Variants in AOAH observed in about 807,000 individuals in gnomAD.
AOAH encodes acyloxyacyl hydrolase (neutrophil).
AOAH carries 64 observed loss-of-function variants against 92.2 expected under a neutral mutation model. The ratio of observed to expected loss-of-function variants is 0.69; its 90% CI spans 0.57 to 0.86. AOAH has a LOEUF of 0.86. Ranked by LOEUF, AOAH falls within the 40% of genes least tolerant of loss-of-function variation. The pLI, the probability that AOAH is intolerant of heterozygous loss-of-function variation, is 0.00. For synonymous variants in AOAH, 263 were observed against 254.5 expected, an observed-to-expected ratio of 1.03 and a Z score of -0.32; for missense variants, 656 against 694.6, an observed-to-expected ratio of 0.94 and a Z score of 0.62.
intron 15 of AOAH, 107 bp from the exon 16 acceptor site, chr7:36,540,598 A>G: frequency 9.9e-7 from 1 of 1,009,322 alleles, no homozygotes; most frequent in Non-Finnish European, 1.5e-6. Flanking sequence ...ACACACACAC[A>G]CACAGTGTGG....
chr7:36,598,397 T>C (rs991539388), intron 11 of AOAH: 1 of 152,246 alleles, frequency 6.6e-6, no homozygotes, highest in Non-Finnish European at 1.5e-5. Context: ...ACTTCACTTC[T>C]GGTGTTAAGC....
intron 4 of AOAH, among the ~76,000 whole-genome samples, chr7:36,658,894 C>T (rs1042670685): frequency 4.6e-5 from 7 of 152,160 alleles, no homozygotes; most frequent in African/African-American, 1.4e-4. Context: ...TAAACCTCTG[C>T]GTCTCTTTGA....
In AOAH at chr7:36,692,242, C is replaced by T. The variant is rs145010556; in HGVS notation, c.128-5448G>A. Among the ~76,000 whole-genome samples the T allele has an allele frequency of 1.4e-3, 206 of 152,276 alleles. 1 individual carries two copies. Among genetic ancestry groups the T allele is most frequent in the African/African-American group, 3.9e-3 (163 of 41,554 alleles). On this transcript the variant is annotated intron_variant, in intron 1 of 20. Coordinates refer to ENST00000617537, the MANE Select transcript of AOAH (RefSeq NM_001637.4). The stretch of plus-strand genomic sequence containing the variant: ...ATTTAGCAAACATTAGTTCCTCTCC[C>T]GTCTACTAAGGCCACCACAGGGAAG...
chr7:36,560,750 C>T, intron 13 of AOAH, among the ~76,000 whole-genome samples: 1 of 152,190 alleles, frequency 6.6e-6, no homozygotes, highest in African/African-American at 2.4e-5. Context: ...ATTGCTCTGG[C>T]AAGGACTTCC....
At chr7:36,589,502 C>T (rs1337541626) in intron 12 of AOAH, among the ~76,000 whole-genome samples, 1 of 152,182 alleles carries the variant, frequency 6.6e-6, no homozygotes, top group African/African-American at 2.4e-5. Context: ...GTAGCAGAAG[C>T]AGGAGCATCT....
intron 3 of AOAH, among the ~76,000 whole-genome samples, chr7:36,665,695 T>G (rs1336164593): frequency 6.6e-6 from 1 of 152,152 alleles, no homozygotes; most frequent in Non-Finnish European, 1.5e-5. Flanking sequence ...ATATTCTTTA[T>G]CCAGTTGAGA....
In AOAH at chr7:36,644,531, G is replaced by A. The variant is rs542601744; in HGVS notation, c.391-6621C>T. ...ATATTGACTACAGTGGTAAACATACGAAGACCGTAGCGAACAGAGGATCCT... is the reference window on the plus strand; with the variant it reads ...ATATTGACTACAGTGGTAAACATACAAAGACCGTAGCGAACAGAGGATCCT... On this transcript the variant is annotated intron_variant, in intron 4 of 20. Coordinates refer to ENST00000617537, the MANE Select transcript of AOAH (RefSeq NM_001637.4). Among the ~76,000 whole-genome samples, 44 of 152,240 alleles carry A rather than the reference G, an allele frequency of 2.9e-4. No individual in the cohort carries two copies. In the South Asian group the frequency reaches 7.1e-3, roughly 24 times the overall value.
chr7:36,517,258 CTCTCTCTT>C (rs1259932972), intron 20 of AOAH, among the ~76,000 whole-genome samples: 4 of 32,538 alleles, frequency 1.2e-4, no homozygotes, highest in South Asian at 1.7e-3. Flanking sequence ...CTTTCTGTGT[CTCTCTCTT>C]TCTTTCTTTC....
rs925729330 is a variant in AOAH, at chr7:36,659,217, A to G, written c.339T>C (p.Phe113=). ...ATGGTTGGCCAGTGTTCTGTTTACA[A>G]AACTCCAGAGTGTGACATACCACAT... is the stretch of plus-strand genomic sequence containing the variant. ...NADVVCHTLE[F]CKQNTGQPLC... The change falls in exon 4 of 21, where the codon TTT becomes TTC. Residue 113 remains phenylalanine (F), a synonymous_variant. Transcript: ENST00000617537. 1 of 1,614,114 alleles carries G rather than the reference A, an allele frequency of 6.2e-7. No individual in the cohort carries two copies. Among genetic ancestry groups the G allele is most frequent in the Non-Finnish European group, 8.5e-7 (1 of 1,179,970 alleles).
chr7:36,514,362 T>C, intron 20 of AOAH: 1 of 743,054 alleles, frequency 1.3e-6, no homozygotes, highest in Non-Finnish European at 2.1e-6. Context: ...GGGTGGGGGG[T>C]GGGATCCTGG....
intron 11 of AOAH, 133 bp downstream of exon 11, chr7:36,616,247 T>C: frequency 1.4e-6 from 1 of 706,820 alleles, no homozygotes; most frequent in South Asian, 1.7e-5. Flanking sequence ...ACTGTGGATA[T>C]GCCTTTCATG....
chr7:36,631,350 C>CATCTCA (rs1235893985), intron 6 of AOAH, among the ~76,000 whole-genome samples: 4 of 131,708 alleles, frequency 3.0e-5, no homozygotes, highest in Admixed American at 2.2e-4. Context: ...TCCATCATCT[C>CATCTCA]AAAAAAAAAA....
At chr7:36,540,219 T>C in intron 16 of AOAH, 100 bp downstream of exon 16, 1 of 1,152,408 alleles carries the variant, frequency 8.7e-7, no homozygotes, top group Non-Finnish European at 1.2e-6. Flanking sequence ...TGTTCCATGA[T>C]GGCATTTTAG....
At chr7:36,717,568 A>T (rs1213787745) in intron 1 of AOAH, among the ~76,000 whole-genome samples, 3 of 151,656 alleles carry the variant, frequency 2.0e-5, no homozygotes, top group Non-Finnish European at 2.9e-5. Context: ...AGGGATAGAG[A>T]TGGAGGCAGT....
chr7:36,719,097 A>AT (rs905324752), intron 1 of AOAH, among the ~76,000 whole-genome samples: 1 of 152,164 alleles, frequency 6.6e-6, no homozygotes, highest in Non-Finnish European at 1.5e-5. Context: ...TTCTGTCTTT[A>AT]TTTTTTCGCC....
chr7:36,703,858 A>C (rs1798201495), intron 1 of AOAH, among the ~76,000 whole-genome samples: 3 of 152,176 alleles, frequency 2.0e-5, no homozygotes, highest in Non-Finnish European at 4.4e-5. Flanking sequence ...TGTTATTTAT[A>C]GTTTTAGATC....
chr7:36,708,278 G>A (rs1379698292), intron 1 of AOAH, among the ~76,000 whole-genome samples: 3 of 152,072 alleles, frequency 2.0e-5, no homozygotes, highest in East Asian at 1.9e-4. Flanking sequence ...ATGTATTGAT[G>A]TGTTTTTAGG....
At chr7:36,574,309 G>A (rs979422800) in intron 13 of AOAH, among the ~76,000 whole-genome samples, 13 of 152,098 alleles carry the variant, frequency 8.5e-5, no homozygotes, top group Non-Finnish European at 1.6e-4. Context: ...CAAAAGCCAC[G>A]GCCTTCGAGC....
At chr7:36,653,571 T>G (rs1329369625) in intron 4 of AOAH, among the ~76,000 whole-genome samples, 1 of 152,164 alleles carries the variant, frequency 6.6e-6, no homozygotes, top group Non-Finnish European at 1.5e-5. Flanking sequence ...GAGCTTTTGG[T>G]TCTTGTAGAA....
Sources: allele counts gnomAD v4.1 joint callset (sites outside exome capture counted in the v4.1 genomes callset), GRCh38; gene constraint gnomAD v4.1.1; transcripts MANE v1.5; gene names NCBI Gene and HGNC (gene_info 2026-07-23, HGNC 2026-07-21).